The following NECTIN1 variants were observed in gnomAD, a reference collection of about 807,000 sequenced individuals.
The protein encoded by NECTIN1 is nectin cell adhesion molecule 1, also known as nectin-1.
A neutral mutation model predicts 48.0 loss-of-function variants in NECTIN1; 23 were observed. That is an observed-to-expected ratio of 0.48 (90% CI 0.34 to 0.68). The LOEUF (loss-of-function observed/expected upper bound fraction) is 0.68. Among genes scored for constraint, NECTIN1 ranks in the 30% least tolerant of loss-of-function variants. The pLI is 0.01. For synonymous variants in NECTIN1, 270 were observed against 288.9 expected (o/e 0.93, Z 0.66); for missense variants, 591 against 709.9 (o/e 0.83, Z 1.90).
rs779136603 is a variant in NECTIN1 at position 119,678,431 on chromosome 11, G to A, written c.414C>T (p.Leu138=). ...GCAGCTTACCCATCACCGTGAGATTGAGCTGGCTTTCTCGATTGCCCGTAG... is the reference window on the plus strand; with the variant it reads ...GCAGCTTACCCATCACCGTGAGATTAAGCTGGCTTTCTCGATTGCCCGTAG... The part of the protein sequence containing the change: ...TFPTGNRESQ[L]NLTVMAKPTN... Residue 138 remains leucine, a synonymous_variant, in exon 2 of 6, where the codon CTC becomes CTT. Transcript: ENST00000264025. The surrounding 1 kb of genome is among the most constrained non-coding windows in gnomAD (Gnocchi z 4.4). The A allele has an allele frequency of 1.3e-5, 21 of 1,614,078 alleles. No homozygotes were observed. The highest frequency in any genetic ancestry group is 1.6e-5 in the Non-Finnish European group (19 of 1,180,014).
chr11:119,722,852 T>G (rs997616705), intron 1 of NECTIN1, among the ~76,000 whole-genome samples: 3 of 152,264 alleles, frequency 2.0e-5, no homozygotes, highest in Admixed American at 1.3e-4. Flanking sequence ...TTCACTTCAC[T>G]GCATGTGTTC....
intron 1 of NECTIN1, among the ~76,000 whole-genome samples, chr11:119,698,292 C>T (rs984615742): frequency 2.0e-5 from 3 of 152,250 alleles, no homozygotes; most frequent in Non-Finnish European, 4.4e-5. Context: ...GTCATAACTA[C>T]CCCCGACACT....
At position 119,675,183 on chromosome 11, in the gene NECTIN1, C is replaced by T. The variant is rs756032071; in HGVS notation, c.979G>A (p.Gly327Ser). The part of the protein sequence containing the change: ...EATNPIGTRS[G>S]QVEVNITEFP... Reference sequence around the variant, plus strand: ...CCTGTGATATTGACCTCCACCTGGCCTGAGCGTGTACCGATGGGGTTGGTG... The same window carrying T: ...CCTGTGATATTGACCTCCACCTGGCTTGAGCGTGTACCGATGGGGTTGGTG... Residue 327 changes from glycine to serine, a missense_variant, in exon 5 of 6, where the codon GGC (glycine) becomes AGC (serine). Gly to Ser is a moderately conservative substitution (Grantham distance 56). Coordinates refer to ENST00000264025, the MANE Select transcript of NECTIN1 (RefSeq NM_002855.5). 2.2e-5 allele frequency: 36 copies of T among 1,614,192 alleles called. No homozygotes were observed. The highest frequency in any genetic ancestry group is 3.1e-5 in the Non-Finnish European group (36 of 1,180,030).
In NECTIN1 at chr11:119,727,364, A is replaced by G. The variant is rs1865926133; in HGVS notation, c.79+1111T>C. Among the ~76,000 whole-genome samples, 1 of 151,898 alleles carries G rather than the reference A, an allele frequency of 6.6e-6. No homozygotes were observed. Among genetic ancestry groups the G allele is most frequent in the Non-Finnish European group, 1.5e-5 (1 of 67,962 alleles). ...CCTATTCTGCCACCCCAAGGCGGGGACCACGTGCTCCAGTCAAGATCCGCC... is the reference window on the plus strand; with the variant it reads ...CCTATTCTGCCACCCCAAGGCGGGGGCCACGTGCTCCAGTCAAGATCCGCC... On this transcript the variant is annotated intron_variant, in intron 1 of 5. Transcript: ENST00000264025. This position sits in a 1 kb window ranked among gnomAD's most constrained non-coding sequence, Gnocchi z 4.1.
At chr11:119,658,386 G>C (rs1159871709), downstream of NECTIN1, among the ~76,000 whole-genome samples, 1 of 152,166 alleles carries the variant, frequency 6.6e-6, no homozygotes, top group Non-Finnish European at 1.5e-5. Context: ...TAAACCCGGG[G>C]AGAGAATAGA....
At position 119,710,885 on chromosome 11, in the gene NECTIN1, C is replaced by A. The variant is rs142407553; in HGVS notation, c.79+17590G>T. On this transcript the variant is annotated intron_variant, in intron 1 of 5. Transcript: ENST00000264025. The stretch of plus-strand genomic sequence containing the variant: ...GCCCGCCTGTCAAACCACACATCCA[C>A]GCACAACTTCACACACACATAACCG... Among the ~76,000 whole-genome samples the A allele has an allele frequency of 1.2e-3, 182 of 152,242 alleles. 3 individuals are homozygous for A. Among genetic ancestry groups the A allele is most frequent in the Admixed American group, 0.011 (163 of 15,292 alleles).
rs1400520040 is a variant in NECTIN1 at position 119,684,051 on chromosome 11, G to T, written c.80-5286C>A. On this transcript the variant is annotated intron_variant, in intron 1 of 5. Coordinates refer to ENST00000264025, the MANE Select transcript of NECTIN1 (RefSeq NM_002855.5). This position sits in a 1 kb window ranked among gnomAD's most constrained non-coding sequence, Gnocchi z 5.2. Reference sequence around the variant, plus strand: ...GCCCTGCCTGCCATGGAGCTCATCCGCAAGCCAGTGCCACAGGTTCCCACG... The same window carrying T: ...GCCCTGCCTGCCATGGAGCTCATCCTCAAGCCAGTGCCACAGGTTCCCACG... Among the ~76,000 whole-genome samples the T allele has an allele frequency of 6.6e-6, 1 of 152,186 alleles. No homozygotes were observed. Among genetic ancestry groups the T allele is most frequent in the Non-Finnish European group, 1.5e-5 (1 of 68,030 alleles).
chr11:119,681,526 A>T (rs774827409), intron 1 of NECTIN1, among the ~76,000 whole-genome samples: 14 of 152,154 alleles, frequency 9.2e-5, no homozygotes, highest in Non-Finnish European at 2.1e-4. Context: ...CTGAGTCTTC[A>T]GTGGTGACCT....
rs140477415 is a variant in NECTIN1 at position 119,664,918 on chromosome 11, G to A, written c.1383C>T (p.Asp461=). ...RKVGGPHPKY[D]EDAKRPYFTV... is the part of the protein sequence containing the mutation. ...TGAAGTAGGGCCGCTTGGCGTCCTC[G>A]TCATATTTGGGGTGGGGGCCGCCCA... Residue 461 remains aspartate (D), a synonymous_variant, in exon 6 of 6, where the codon GAC becomes GAT. Coordinates refer to ENST00000264025, the MANE Select transcript of NECTIN1 (RefSeq NM_002855.5). The A allele has an allele frequency of 1.4e-5, 22 of 1,613,710 alleles. No individual in the cohort carries two copies. In the African/African-American group the frequency reaches 1.5e-4, roughly 11 times the overall value.
chr11:119,650,159 C>G (rs1470863377), intron 5 of NECTIN1, among the ~76,000 whole-genome samples: 3 of 152,110 alleles, frequency 2.0e-5, no homozygotes, highest in Non-Finnish European at 4.4e-5. Context: ...TTTCACAAGA[C>G]AATGTCATCA....
intron 1 of NECTIN1, among the ~76,000 whole-genome samples, chr11:119,695,768 C>A (rs1865331842): frequency 6.6e-6 from 1 of 152,194 alleles, no homozygotes; most frequent in African/African-American, 2.4e-5. Flanking sequence ...GCATTCAATT[C>A]ATGCCTCCAG....
rs140389200 is a variant in NECTIN1, at chr11:119,677,723, A to G, written c.565T>C (p.Leu189=). ...PPSVVSWETR[L]KGEAEYQEIR... ...TCCTGGTACTCTGCCTCACCTTTTA[A>G]CCGAGTTTCCCAGGATACCACACTG... Residue 189 remains leucine (L), a synonymous_variant, in exon 3 of 6, where the codon TTA becomes CTA. Coordinates refer to ENST00000264025, the MANE Select transcript of NECTIN1 (RefSeq NM_002855.5). This position sits in a 1 kb window ranked among gnomAD's most constrained non-coding sequence, Gnocchi z 5.4. 2.9e-4 allele frequency: 472 copies of G among 1,614,000 alleles called. No individual in the cohort carries two copies. The highest frequency in any genetic ancestry group is 5.3e-5 in the Non-Finnish European group (62 of 1,180,020).
In NECTIN1 at chr11:119,677,820, C is replaced by A; in HGVS notation, c.468G>T (p.Val156=). The part of the protein sequence containing the change: ...PTNWIEGTQA[V]LRAKKGQDDK... ...CATCCTGCCCCTTCTTGGCTCGAAG[C>A]ACTGCCTGGGTACCCTCTATCCAAT... The change falls in exon 3 of 6, where the codon GTG becomes GTT. Residue 156 remains valine (V), a synonymous_variant. Transcript: ENST00000264025. This position sits in a 1 kb window ranked among gnomAD's most constrained non-coding sequence, Gnocchi z 5.4. 3 of 1,614,140 alleles carry A rather than the reference C, an allele frequency of 1.9e-6. No homozygotes were observed. Among genetic ancestry groups the A allele is most frequent in the Non-Finnish European group, 2.5e-6 (3 of 1,180,026 alleles).
chr11:119,721,231 C>G (rs146690156), intron 1 of NECTIN1, among the ~76,000 whole-genome samples: 3 of 152,204 alleles, frequency 2.0e-5, no homozygotes, highest in Non-Finnish European at 4.4e-5. Flanking sequence ...CCAGAACAGC[C>G]CTGGAGGGAG....
chr11:119,684,744 A>G lies in NECTIN1; in HGVS notation c.80-5979T>C, dbSNP rs2135557181. ...CCAAGGCCAGCTCCGCCTGGGAGAG[A>G]GGCCGGTGTGGAGGAGCGTGCAATC... On this transcript the variant is annotated intron_variant, in intron 1 of 5. Transcript: ENST00000264025. The surrounding 1 kb of genome is among the most constrained non-coding windows in gnomAD (Gnocchi z 5.2). 6.6e-6 allele frequency among the ~76,000 whole-genome samples: 1 copy of G among 152,280 alleles called. No individual in the cohort carries two copies. Among genetic ancestry groups the G allele is most frequent in the East Asian group, 1.9e-4 (1 of 5,180 alleles).
intron 5 of NECTIN1, among the ~76,000 whole-genome samples, chr11:119,653,609 T>C (rs1253768258): frequency 6.6e-6 from 1 of 152,240 alleles, no homozygotes; most frequent in African/African-American, 2.4e-5. Context: ...GCTGGGATCC[T>C]ACCTGGAACT....
chr11:119,708,356 G>A (rs916938499), intron 1 of NECTIN1, among the ~76,000 whole-genome samples: 1 of 152,172 alleles, frequency 6.6e-6, no homozygotes, highest in Non-Finnish European at 1.5e-5. Flanking sequence ...TGGAAAGCAA[G>A]GTAGGAGCCA....
rs1865934625 is a variant in NECTIN1 at position 119,727,741 on chromosome 11, A to G, written c.79+734T>C. ...CACCTCGAGGAAGGACACGCGGGGC[A>G]CCCTCGGGAAAGTGGGTCATGCAGC... On this transcript the variant is annotated intron_variant, in intron 1 of 5. Transcript: ENST00000264025. The surrounding 1 kb of genome is among the most constrained non-coding windows in gnomAD (Gnocchi z 4.1). Among the ~76,000 whole-genome samples, 2 of 151,716 alleles carry G rather than the reference A, an allele frequency of 1.3e-5. No individual in the cohort carries two copies. The highest frequency in any genetic ancestry group is 4.8e-5 in the African/African-American group (2 of 41,328).
intron 5 of NECTIN1, among the ~76,000 whole-genome samples, chr11:119,643,735 C>T (rs763227148): frequency 1.3e-5 from 2 of 152,220 alleles, no homozygotes; most frequent in African/African-American, 2.4e-5. Flanking sequence ...TTGGTTCCCC[C>T]GCTCCCAGCT....
Sources: allele counts gnomAD v4.1 joint callset (sites outside exome capture counted in the v4.1 genomes callset), GRCh38; gene constraint gnomAD v4.1.1; non-coding constraint Gnocchi (gnomAD v3.1); transcripts MANE v1.5; gene names NCBI Gene and HGNC (gene_info 2026-07-23, HGNC 2026-07-21).